ASMTL: variants seen among roughly 807,000 people sequenced by gnomAD.
ASMTL encodes the protein acetylserotonin O-methyltransferase like.
In ASMTL, 57 loss-of-function variants were observed where a neutral mutation model predicts 60.3. That is an observed-to-expected ratio of 0.95 (90% CI 0.76 to 1.18). The LOEUF (loss-of-function observed/expected upper bound fraction) is 1.18. ASMTL is among the 50% of genes most tolerant of loss of function. The pLI, the probability that ASMTL is intolerant of heterozygous loss-of-function variation, is 0.00. For missense variants in ASMTL, 981 were observed against 852.6 expected (o/e 1.15, Z -1.88); for synonymous variants, 419 against 373.0 (o/e 1.12, Z -1.42).
chrX:1,432,224 G>A (rs1196320744), intron 6 of ASMTL, 45 bp downstream of exon 6: 2 of 1,496,834 alleles, frequency 1.3e-6, no homozygotes, highest in South Asian at 2.3e-5. Context: ...GGGTGGCCAG[G>A]CTTCCACACG....
At chrX:1,435,872 T>C (rs2090952339) in intron 3 of ASMTL, 114 bp from the exon 4 acceptor site, 1 of 894,614 alleles carries the variant, frequency 1.1e-6, no homozygotes, top group African/African-American at 1.7e-5. Context: ...AGCTGACACG[T>C]CCTGAGAGTC....
At chrX:1,447,929 T>A (rs1455822838) in intron 1 of ASMTL, among the ~76,000 whole-genome samples, 1 of 144,292 alleles carries the variant, frequency 6.9e-6, no homozygotes, top group Non-Finnish European at 1.5e-5. Context: ...CACACCGCCA[T>A]CTTGGATACA....
chrX:1,416,453 A>G (rs1356053564), intron 11 of ASMTL, among the ~76,000 whole-genome samples: 1 of 87,450 alleles, frequency 1.1e-5, no homozygotes, highest in Non-Finnish European at 2.5e-5. Flanking sequence ...AGACATGCAC[A>G]GATGGACACG....
rs763490733 is a variant in ASMTL, at chrX:1,439,110, G to A, written c.260C>T (p.Ala87Val). Residue 87 changes from alanine to valine, a missense_variant, in exon 3 of 13, where the codon GCG becomes GTG. Transcript: ENST00000381317. ...DLRAPDVVIG[A>V]DTIVTVGGLI... Reference sequence around the variant, plus strand: ...GGCCGCACTCACCACGATCGTGTCCGCTCCAATGACCACGTCGGGGGCCCG... The same window carrying A: ...GGCCGCACTCACCACGATCGTGTCCACTCCAATGACCACGTCGGGGGCCCG... 2.2e-5 allele frequency: 36 copies of A among 1,614,010 alleles called. No individual in the cohort carries two copies. The highest frequency in any genetic ancestry group is 2.5e-5 in the Non-Finnish European group (30 of 1,179,864).
chrX:1,453,193 CCT>C (rs1269542960), upstream of ASMTL, among the ~76,000 whole-genome samples: 12 of 151,302 alleles, frequency 7.9e-5, no homozygotes, highest in African/African-American at 2.9e-4. Context: ...CCTCCATTGC[CCT>C]CTCCGCCAGG....
intron 9 of ASMTL, among the ~76,000 whole-genome samples, chrX:1,419,525 G>C (rs192530163): frequency 6.6e-6 from 1 of 152,054 alleles, no homozygotes; most frequent in African/African-American, 2.4e-5. Context: ...ACAATGGTGC[G>C]GTGTGCAGAG....
Position 1,418,107 on chromosome X carries a change from C to G in ASMTL, c.1388G>C (p.Gly463Ala). Reference sequence around the variant, plus strand: ...ACGGGCCAGCTCTCGGGCCAGTGCACCCGTGCAGCCTGCGGGGAAGCAAAT... The same window carrying G: ...ACGGGCCAGCTCTCGGGCCAGTGCAGCCGTGCAGCCTGCGGGGAAGCAAAT... ...SSACDVGGCTGALARELAREY... is the reference protein window; with the variant it reads ...SSACDVGGCTAALARELAREY... The change falls in exon 11 of 13, where the codon GGT becomes GCT. Residue 463 changes from glycine to alanine, a missense_variant. By Grantham distance (60) the Gly-to-Ala change is moderately conservative. Transcript: ENST00000381317. 6.2e-7 allele frequency: 1 copy of G among 1,604,460 alleles called. No homozygotes were observed.
At chrX:1,442,771 CAA>C (rs2091135030) in intron 1 of ASMTL, among the ~76,000 whole-genome samples, 2 of 152,150 alleles carry the variant, frequency 1.3e-5, no homozygotes, top group African/African-American at 2.4e-5. Context: ...GGAAGGGAGA[CAA>C]TGATGGCTCT....
chrX:1,435,045 GCGACA>G lies in ASMTL; in HGVS notation c.372_376del (p.Val125AspfsTer114), dbSNP rs763084089. 1,872 of 1,613,384 alleles carry G rather than the reference GCGACA, an allele frequency of 1.2e-3. No homozygotes were observed. Among genetic ancestry groups the G allele is most frequent in the Middle Eastern group, 2.2e-3 (13 of 6,044 alleles). On this transcript the variant is annotated frameshift_variant, in exon 5 of 13. Coordinates refer to ENST00000381317, the MANE Select transcript of ASMTL (RefSeq NM_004192.4). LOFTEE classifies it high-confidence loss of function. ...ACCTTTGCTGGAGCAGTGGACGATC[GCGACA>G]CCTGTGAACACGCTGTGTTCTCTCC...
At chrX:1,425,316 C>T (rs1395034788) in intron 8 of ASMTL, among the ~76,000 whole-genome samples, 1 of 152,210 alleles carries the variant, frequency 6.6e-6, no homozygotes, top group Non-Finnish European at 1.5e-5. Flanking sequence ...AAGGAGGTCA[C>T]GCTTCTCCTA....
At chrX:1,449,074 C>CAGGG in intron 1 of ASMTL, among the ~76,000 whole-genome samples, 1 of 152,224 alleles carries the variant, frequency 6.6e-6, no homozygotes, top group East Asian at 1.9e-4. Flanking sequence ...ACACCTCAGT[C>CAGGG]AACTTTGCCT....
In ASMTL at chrX:1,416,864, CAT is replaced by C. The variant is rs761707247; in HGVS notation, c.1522+1107_1522+1108del. The stretch of plus-strand genomic sequence containing the variant: ...AGACATGCACACACAGACATGTACA[CAT>C]ATATCCACAGACACGCAGACACACA... On this transcript the variant is annotated intron_variant, in intron 11 of 12. Transcript: ENST00000381317. Among the ~76,000 whole-genome samples, 345 of 151,218 alleles carry C rather than the reference CAT, an allele frequency of 2.3e-3. 4 individuals carry two copies. Among genetic ancestry groups the C allele is most frequent in the African/African-American group, 7.8e-3 (319 of 41,118 alleles).
At chrX:1,418,890 G>A (rs1451517610) in intron 10 of ASMTL, 92 bp downstream of exon 10, 4 of 1,527,024 alleles carry the variant, frequency 2.6e-6, no homozygotes, top group Non-Finnish European at 3.6e-6. Flanking sequence ...TTTGTCAATG[G>A]AAAAAGGCAG....
intron 12 of ASMTL, among the ~76,000 whole-genome samples, chrX:1,408,124 G>A (rs111613057): frequency 3.0e-5 from 3 of 100,872 alleles, no homozygotes; most frequent in African/African-American, 9.9e-5. Context: ...TCGCTTGAGC[G>A]CAGGAGGTCA....
At chrX:1,410,782 C>T (rs1191422486) in intron 12 of ASMTL, among the ~76,000 whole-genome samples, 3 of 151,836 alleles carry the variant, frequency 2.0e-5, no homozygotes, top group Admixed American at 6.6e-5. Context: ...TCCAGCTACT[C>T]GGGAGGCTGA....
intron 5 of ASMTL, among the ~76,000 whole-genome samples, chrX:1,434,488 T>G (rs2090906634): frequency 1.2e-5 from 1 of 82,574 alleles, no homozygotes; most frequent in Non-Finnish European, 2.5e-5. Context: ...AGACCCTGTC[T>G]CAAAAAAAAA....
intron 8 of ASMTL, among the ~76,000 whole-genome samples, chrX:1,423,762 A>G (rs1391300958): frequency 1.3e-5 from 1 of 79,394 alleles, no homozygotes; most frequent in Non-Finnish European, 3.1e-5. Flanking sequence ...CCTCCCATCC[A>G]TCCGTCCACC....
Position 1,414,351 on chromosome X carries a change from G to A in ASMTL, c.1523-1497C>T, listed in dbSNP as rs758411665. 7.9e-5 allele frequency among the ~76,000 whole-genome samples: 12 copies of A among 152,252 alleles called. No individual in the cohort carries two copies. The East Asian group carries it at 2.1e-3, about 27-fold the overall frequency. ...GGAAAGAAGGGGCGGGAGAGTGTGCGGTGGGAAGTCTCCAGAGCTGTTTTC... is the reference window on the plus strand; with the variant it reads ...GGAAAGAAGGGGCGGGAGAGTGTGCAGTGGGAAGTCTCCAGAGCTGTTTTC... On this transcript the variant is annotated intron_variant, in intron 11 of 12. Transcript: ENST00000381317.
At chrX:1,434,296 T>G (rs140026032) in intron 5 of ASMTL, among the ~76,000 whole-genome samples, 2 of 149,404 alleles carry the variant, frequency 1.3e-5, no homozygotes, top group Non-Finnish European at 3.0e-5. Context: ...TCGAGACCAG[T>G]CTGGGCAACA....
Sources: gnomAD v4.1 joint callset for allele counts (sites outside exome capture counted in the v4.1 genomes callset) on GRCh38, gnomAD v4.1.1 for gene constraint, MANE v1.5 for transcripts, NCBI Gene and HGNC (gene_info 2026-07-23, HGNC 2026-07-21) for gene names.